Variants in CSDC2 observed in about 807,000 individuals in gnomAD.
The protein encoded by CSDC2 is cold shock domain containing C2.
In CSDC2, 8 loss-of-function variants were observed where a neutral mutation model predicts 15.8. That is an observed-to-expected ratio of 0.51 (90% CI 0.30 to 0.92). CSDC2 has a LOEUF of 0.92. Ranked by LOEUF, CSDC2 falls within the 40% of genes least tolerant of loss-of-function variation. The probability of loss-of-function intolerance (pLI) is 0.07; values close to 1 mark genes in which losing one functional copy is unlikely to be tolerated. For missense variants in CSDC2, 195 were observed against 213.3 expected, an observed-to-expected ratio of 0.91 and a Z score of 0.53; for synonymous variants, 96 against 92.3, an observed-to-expected ratio of 1.04 and a Z score of -0.23.
chr22:41,570,063 C>T (rs965101586), intron 1 of CSDC2, among the ~76,000 whole-genome samples: 3 of 151,676 alleles, frequency 2.0e-5, no homozygotes, highest in South Asian at 2.1e-4. Flanking sequence ...TACAGGTGTG[C>T]GCCACCACAC....
chr22:41,562,400 C>T (rs1207871726), intron 1 of CSDC2, among the ~76,000 whole-genome samples: 1 of 84,276 alleles, frequency 1.2e-5, no homozygotes, highest in Non-Finnish European at 2.6e-5. Flanking sequence ...CCATCCTCAC[C>T]CCCTTCAAAA....
At chr22:41,566,466 A>AACAC (rs1555896246) in intron 1 of CSDC2, among the ~76,000 whole-genome samples, 1 of 133,864 alleles carries the variant, frequency 7.5e-6, no homozygotes, top group African/African-American at 2.9e-5. Flanking sequence ...AAAAAAAAAA[A>AACAC]ACACACAAAA....
At chr22:41,572,497 C>T (rs558179831) in intron 2 of CSDC2, among the ~76,000 whole-genome samples, 3 of 151,434 alleles carry the variant, frequency 2.0e-5, no homozygotes, top group South Asian at 2.1e-4. Flanking sequence ...TCCGTCTGTC[C>T]GTCCATCCAT....
rs1425241860 is a variant in CSDC2, at chr22:41,575,230, G to T, written c.*335G>T. The T allele has an allele frequency of 2.5e-5, 9 of 364,426 alleles. No homozygotes were observed. Among genetic ancestry groups the T allele is most frequent in the Non-Finnish European group, 4.1e-5 (8 of 195,286 alleles). The allele number at this position is 364,426 out of a possible 1,614,324, so 22.6% of individuals were successfully genotyped here. ...TACCCGTCCCCACGGTGACTGAGCTGCGAGAGCCTGCGCTGGGCTCACTCC... is the reference window on the plus strand; with the variant it reads ...TACCCGTCCCCACGGTGACTGAGCTTCGAGAGCCTGCGCTGGGCTCACTCC... On this transcript the variant is annotated 3_prime_UTR_variant, in exon 4 of 4. Coordinates refer to ENST00000306149, the MANE Select transcript of CSDC2 (RefSeq NM_014460.4).
In CSDC2 at chr22:41,576,252, G is replaced by A. The variant is rs1431458015; in HGVS notation, c.*1357G>A. The A allele has an allele frequency of 6.6e-6, 1 of 152,254 alleles. No individual in the cohort carries two copies. The highest frequency in any genetic ancestry group is 2.4e-5 in the African/African-American group (1 of 41,428). The allele number at this position is 152,254 out of a possible 1,614,324, so 9.4% of individuals were successfully genotyped here. On this transcript the variant is annotated 3_prime_UTR_variant, in exon 4 of 4. Transcript: ENST00000306149. ...CCTTGTAGGTGCCCCAAGACCGCAGGGTAGAAATCAGCCGGGATGCCTGCA... is the reference window on the plus strand; with the variant it reads ...CCTTGTAGGTGCCCCAAGACCGCAGAGTAGAAATCAGCCGGGATGCCTGCA...
rs543213112 is a variant in CSDC2 at position 41,570,392 on chromosome 22, G to T, written c.-123-1451G>T. Among the ~76,000 whole-genome samples, 3 of 152,294 alleles carry T rather than the reference G, an allele frequency of 2.0e-5. No individual in the cohort carries two copies. In the East Asian group the frequency reaches 5.8e-4, roughly 29 times the overall value. ...GCTGTATAATCTTGAGCAGAGGCCA[G>T]AAGACCTGCTCCAGTGGACTCCTGG... On this transcript the variant is annotated intron_variant, in intron 1 of 3. Coordinates refer to ENST00000306149, the MANE Select transcript of CSDC2 (RefSeq NM_014460.4).
Position 41,573,706 on chromosome 22 carries a change from C to T in CSDC2, c.228C>T (p.Phe76=), listed in dbSNP as rs770360814. The T allele has an allele frequency of 6.2e-7, 1 of 1,613,858 alleles. No individual in the cohort carries two copies. The highest frequency in any genetic ancestry group is 8.5e-7 in the Non-Finnish European group (1 of 1,179,940). Residue 76 remains phenylalanine, a synonymous_variant, in exon 3 of 4, where the codon TTC becomes TTT. Transcript: ENST00000306149. ...TGTTCAAGGGCGTCTGTAAGCAGTT[C>T]TCACGCTCACAGGGCCATGGCTTCA... ...GPVFKGVCKQ[F]SRSQGHGFIT... is the part of the protein sequence containing the mutation.
chr22:41,566,784 G>A (rs954949768), intron 1 of CSDC2, among the ~76,000 whole-genome samples: 6 of 151,630 alleles, frequency 4.0e-5, no homozygotes, highest in Non-Finnish European at 7.4e-5. Context: ...AAAATTAGCC[G>A]TGCGTGGTGG....
chr22:41,573,669 C>T lies in CSDC2; in HGVS notation c.191C>T (p.Ser64Leu). ...TRTYSATARASAGPVFKGVCK... is the reference protein window; with the variant it reads ...TRTYSATARALAGPVFKGVCK... ...CCTATCTCCAGGACAGCCCGGGCCT[C>T]AGCTGGCCCCGTGTTCAAGGGCGTC... The change falls in exon 3 of 4, where the codon TCA becomes TTA. Residue 64 changes from serine (S) to leucine (L), a missense_variant. By Grantham distance (145) the Ser-to-Leu change is moderately radical. Coordinates refer to ENST00000306149, the MANE Select transcript of CSDC2 (RefSeq NM_014460.4). The T allele has an allele frequency of 6.2e-7, 1 of 1,613,328 alleles. No individual in the cohort carries two copies. The highest frequency in any genetic ancestry group is 8.5e-7 in the Non-Finnish European group (1 of 1,179,590).
intron 1 of CSDC2, among the ~76,000 whole-genome samples, chr22:41,566,261 T>C (rs2067113505): frequency 1.3e-5 from 2 of 150,386 alleles, no homozygotes; most frequent in South Asian, 4.2e-4. Flanking sequence ...CTGGCCAACA[T>C]GGTGAAACCT....
chr22:41,566,172 G>A (rs915425990), intron 1 of CSDC2, among the ~76,000 whole-genome samples: 7 of 149,978 alleles, frequency 4.7e-5, no homozygotes, highest in Non-Finnish European at 1.0e-4. Flanking sequence ...AAGGCTGGGC[G>A]CAGTGGCTCA....
chr22:41,562,993 G>A (rs1291515343), intron 1 of CSDC2, among the ~76,000 whole-genome samples: 2 of 152,114 alleles, frequency 1.3e-5, no homozygotes, highest in Non-Finnish European at 2.9e-5. Context: ...AGGTGGGACT[G>A]GGGTGCGTAT....
At chr22:41,572,256 C>T in intron 2 of CSDC2, 115 bp downstream of exon 2, 3 of 861,272 alleles carry the variant, frequency 3.5e-6, no homozygotes, top group Non-Finnish European at 4.7e-6. Context: ...TGTGTGTGGA[C>T]CTTCCAGTAA....
chr22:41,568,303 A>G (rs1034143527), intron 1 of CSDC2, among the ~76,000 whole-genome samples: 6 of 150,890 alleles, frequency 4.0e-5, no homozygotes, highest in Non-Finnish European at 5.9e-5. Flanking sequence ...TTTTTTTTTA[A>G]GACAGTGTCT....
At position 41,574,305 on chromosome 22, in the gene CSDC2, G is replaced by A. The variant is rs1363915686; in HGVS notation, c.300-428G>A. On this transcript the variant is annotated intron_variant, in intron 3 of 3. Coordinates refer to ENST00000306149, the MANE Select transcript of CSDC2 (RefSeq NM_014460.4). ...TTTTGAGAGGGAGTCTCGCTCTGTC[G>A]CCCAGGCTGGAGTGCAATGGCACAA... Among the ~76,000 whole-genome samples the A allele has an allele frequency of 5.3e-5, 8 of 152,210 alleles. No individual in the cohort carries two copies. The South Asian group carries it at 1.2e-3, about 24-fold the overall frequency.
Position 41,573,745 on chromosome 22 carries a change from C to A in CSDC2, c.267C>A (p.Asn89Lys), listed in dbSNP as rs766143476. 1 of 1,613,842 alleles carries A rather than the reference C, an allele frequency of 6.2e-7. No individual in the cohort carries two copies. Among genetic ancestry groups the A allele is most frequent in the African/African-American group, 1.3e-5 (1 of 75,032 alleles). Residue 89 changes from asparagine to lysine, a missense_variant, in exon 3 of 4, where the codon AAC becomes AAA. Physicochemically the swap from Asn to Lys is moderately conservative, Grantham distance 94. Transcript: ENST00000306149. ...SQGHGFITPE[N>K]GSEDIFVHVS... ...GCCATGGCTTCATCACCCCCGAGAA[C>A]GGGTCCGAGGACATCTTCGTACATG...
At chr22:41,568,672 T>C (rs1444112128) in intron 1 of CSDC2, among the ~76,000 whole-genome samples, 1 of 152,204 alleles carries the variant, frequency 6.6e-6, no homozygotes, top group African/African-American at 2.4e-5. Context: ...CTCTCTGCCT[T>C]GTGGAAGCTG....
chr22:41,571,150 C>T lies in CSDC2; in HGVS notation c.-123-693C>T, dbSNP rs369546411. ...GGCAGATCACCTGAGGTCAGGAGTTCGAGACCTGCCTGGCCAACATGGTGA... is the reference window on the plus strand; with the variant it reads ...GGCAGATCACCTGAGGTCAGGAGTTTGAGACCTGCCTGGCCAACATGGTGA... On this transcript the variant is annotated intron_variant, in intron 1 of 3. Transcript: ENST00000306149. Among the ~76,000 whole-genome samples, 7 of 152,050 alleles carry T rather than the reference C, an allele frequency of 4.6e-5. No homozygotes were observed. The East Asian group carries it at 1.4e-3, about 30-fold the overall frequency.
chr22:41,570,178 G>A (rs199967863), intron 1 of CSDC2, among the ~76,000 whole-genome samples: 17 of 152,332 alleles, frequency 1.1e-4, no homozygotes, highest in East Asian at 9.6e-4. Context: ...AACCTGGCAT[G>A]AGCTTAGACA....
Sources: allele counts gnomAD v4.1 joint callset (sites outside exome capture counted in the v4.1 genomes callset), GRCh38; gene constraint gnomAD v4.1.1; transcripts MANE v1.5; gene names NCBI Gene and HGNC (gene_info 2026-07-23, HGNC 2026-07-21).